The following COBL variants were observed in gnomAD, a reference collection of about 807,000 sequenced individuals.
The protein encoded by COBL is cordon-bleu WH2 repeat protein.
Under a neutral mutation model 98.8 loss-of-function variants are expected in COBL, and 51 were observed. The ratio of observed to expected loss-of-function variants is 0.52; its 90% CI spans 0.41 to 0.65. The LOEUF (loss-of-function observed/expected upper bound fraction) is 0.65, where lower values mean the gene tolerates loss of function less well. Among genes scored for constraint, COBL ranks in the 30% least tolerant of loss-of-function variants. The pLI is 0.00. For missense variants in COBL, 1,617 were observed against 1,617.5 expected (o/e 1.00, Z 0.01); for synonymous variants, 634 against 651.7 (o/e 0.97, Z 0.41).
chr7:51,058,098 C>T (rs1225277839), intron 7 of COBL, among the ~76,000 whole-genome samples: 4 of 151,694 alleles, frequency 2.6e-5, no homozygotes, highest in African/African-American at 9.7e-5. Flanking sequence ...CATTAGGTTG[C>T]TTTTTTTGGT....
At chr7:51,204,305 T>C (rs1037788807) in intron 2 of COBL, among the ~76,000 whole-genome samples, 2 of 152,184 alleles carry the variant, frequency 1.3e-5, no homozygotes, top group African/African-American at 4.8e-5. Flanking sequence ...TTAAGGTCCA[T>C]ACAAAGCAAG....
chr7:51,159,779 G>A (rs548548281), intron 5 of COBL, among the ~76,000 whole-genome samples: 1 of 151,922 alleles, frequency 6.6e-6, no homozygotes, highest in African/African-American at 2.4e-5. Context: ...TACTCCCATT[G>A]TAAGAATCGA....
In COBL at chr7:51,264,836, T is replaced by C. The variant is rs115572507; in HGVS notation, c.42-44892A>G. Among the ~76,000 whole-genome samples, 1,503 of 152,090 alleles carry C rather than the reference T, an allele frequency of 9.9e-3. 28 individuals carry two copies. Among genetic ancestry groups the C allele is most frequent in the East Asian group, 0.063 (328 of 5,168 alleles). ...ACCATGTTGGAGTGTACACCAAAGG[T>C]TCATTACATTGTTCTCTCTCATACA... On this transcript the variant is annotated intron_variant, in intron 1 of 12. Transcript: ENST00000265136.
intron 6 of COBL, among the ~76,000 whole-genome samples, chr7:51,099,213 C>T (rs1188912965): frequency 2.0e-5 from 3 of 151,966 alleles, no homozygotes; most frequent in African/African-American, 7.2e-5. Flanking sequence ...TAAAGTACCT[C>T]AAAAAATTAA....
intron 5 of COBL, chr7:51,156,639 T>C: frequency 1.0e-6 from 1 of 957,664 alleles, no homozygotes; most frequent in Non-Finnish European, 1.2e-6. Context: ...TAGCTAGTCA[T>C]TTGTTCAGGC....
At chr7:51,117,151 A>G (rs1266090978) in intron 6 of COBL, among the ~76,000 whole-genome samples, 2 of 140,092 alleles carry the variant, frequency 1.4e-5, no homozygotes, top group Non-Finnish European at 3.0e-5. Context: ...GTCTATTTTT[A>G]AGTAATTTCA....
intron 7 of COBL, among the ~76,000 whole-genome samples, chr7:51,082,652 C>T (rs1330379897): frequency 6.7e-6 from 1 of 149,738 alleles, no homozygotes; most frequent in Non-Finnish European, 1.5e-5. Context: ...AGGACGTCCT[C>T]CCAGCTCTTG....
At chr7:51,136,383 C>A in intron 5 of COBL, 52 bp from the exon 6 acceptor site, 1 of 1,538,252 alleles carries the variant, frequency 6.5e-7, no homozygotes, top group Admixed American at 2.0e-5. Flanking sequence ...ATGACTTCTC[C>A]CCGTATGAAT....
chr7:51,163,596 T>C (rs1787023524), intron 5 of COBL, among the ~76,000 whole-genome samples: 2 of 152,220 alleles, frequency 1.3e-5, no homozygotes, highest in Admixed American at 1.3e-4. Flanking sequence ...AAAGTCACCC[T>C]TGATTTTTAA....
At chr7:51,157,633 C>T (rs1786311796) in intron 5 of COBL, among the ~76,000 whole-genome samples, 1 of 152,142 alleles carries the variant, frequency 6.6e-6, no homozygotes. Context: ...TCTTTCTTTC[C>T]TTATTTTTTC....
At chr7:51,207,872 C>T (rs546266974) in intron 2 of COBL, among the ~76,000 whole-genome samples, 140 of 151,696 alleles carry the variant, frequency 9.2e-4, no homozygotes, top group African/African-American at 3.1e-3. Flanking sequence ...AAGTGAGGAG[C>T]GTCTCTGCCT....
rs368846923 is a variant in COBL, at chr7:51,184,145, T to G, written c.740A>C (p.Lys247Thr). The change falls in exon 5 of 13, where the codon AAA (lysine) becomes ACA (threonine). Residue 247 changes from lysine (K) to threonine (T), a missense_variant. Around this residue, in one of 3 missense-constraint regions of COBL, gnomAD observed 75 missense variants for 120.5 expected, o/e 0.62. Transcript: ENST00000265136. ...ATTAACTTTGAAAAATCCCAGAAAT[T>G]TTTTCTTCTCTTTATCTGTCTCATC... ...GNDETDKEKK[K>T]FLGFFKVNKR... 2 of 1,569,946 alleles carry G rather than the reference T, an allele frequency of 1.3e-6. No homozygotes were observed. Among genetic ancestry groups the G allele is most frequent in the African/African-American group, 2.7e-5 (2 of 73,932 alleles).
At chr7:51,083,180 C>T in intron 7 of COBL, 1 of 1,487,994 alleles carries the variant, frequency 6.7e-7, no homozygotes, top group Non-Finnish European at 8.9e-7. Context: ...CTGGGGTGGA[C>T]CCCGAGCAGT....
At chr7:51,275,743 G>A (rs949275396) in intron 1 of COBL, among the ~76,000 whole-genome samples, 1 of 152,172 alleles carries the variant, frequency 6.6e-6, no homozygotes, top group Non-Finnish European at 1.5e-5. Context: ...TCCCAACAAC[G>A]GTGAAAACAC....
At chr7:51,266,533 G>A (rs1584353338) in intron 1 of COBL, among the ~76,000 whole-genome samples, 1 of 152,122 alleles carries the variant, frequency 6.6e-6, no homozygotes, top group African/African-American at 2.4e-5. Flanking sequence ...AGCCAAGATC[G>A]CACCATTGCA....
intron 5 of COBL, among the ~76,000 whole-genome samples, chr7:51,167,073 A>G (rs1479471548): frequency 6.6e-6 from 1 of 152,134 alleles, no homozygotes; most frequent in Non-Finnish European, 1.5e-5. Flanking sequence ...TCACCACTGT[A>G]ATTCAACATA....
intron 1 of COBL, among the ~76,000 whole-genome samples, chr7:51,300,391 C>A (rs1304533322): frequency 2.0e-5 from 3 of 152,150 alleles, no homozygotes; most frequent in Non-Finnish European, 4.4e-5. Flanking sequence ...AAACTCCTGA[C>A]CTCAGGTGAT....
chr7:51,184,038 C>A, intron 5 of COBL, 64 bp downstream of exon 5: 1 of 762,966 alleles, frequency 1.3e-6, no homozygotes, highest in Non-Finnish European at 2.1e-6. Context: ...AGGTTGAATG[C>A]ATGTATTTCA....
chr7:51,024,990 C>T, intron 12 of COBL, 119 bp downstream of exon 12: 1 of 1,381,426 alleles, frequency 7.2e-7, no homozygotes, highest in Admixed American at 1.7e-5. Context: ...GGCTCTCTCT[C>T]AACCCACTCC....
Sources: gnomAD v4.1 joint callset for allele counts (sites outside exome capture counted in the v4.1 genomes callset) on GRCh38, gnomAD v4.1.1 for gene constraint, gnomAD v4.1.1 regional missense constraint, MANE v1.5 for transcripts, NCBI Gene and HGNC (gene_info 2026-07-23, HGNC 2026-07-21) for gene names.